The following TPO variants were observed in gnomAD, a reference collection of about 807,000 sequenced individuals.
The protein encoded by TPO is thyroid microsomal antigen.
In TPO, 78 loss-of-function variants were observed where a neutral mutation model predicts 96.9. That is an observed-to-expected ratio of 0.81 (90% CI 0.67 to 0.97). The LOEUF (loss-of-function observed/expected upper bound fraction) is 0.97. Ranked by LOEUF, TPO falls within the 50% of genes least tolerant of loss-of-function variation. The probability of loss-of-function intolerance (pLI) is 0.00; values close to 1 mark genes in which losing one functional copy is unlikely to be tolerated. For synonymous variants in TPO, 547 were observed against 538.0 expected (o/e 1.02, Z -0.23); for missense variants, 1,252 against 1,274.8 (o/e 0.98, Z 0.27).
rs1327228715 is a variant in TPO, at chr2:1,477,174, C to A, written c.908C>A (p.Ala303Glu). 6.2e-7 allele frequency: 1 copy of A among 1,609,942 alleles called. No individual in the cohort carries two copies. Among genetic ancestry groups the A allele is most frequent in the Admixed American group, 1.7e-5 (1 of 59,746 alleles). ...SAACGTGDQG[A>E]LFGNLSTANP... ...GCCTGCGGCACCGGGGACCAAGGCG[C>A]GCTCTTTGGGAACCTGTCCACGGCC... is the stretch of plus-strand genomic sequence containing the variant. Residue 303 changes from alanine to glutamate, a missense_variant, in exon 8 of 17, where the codon GCG (alanine) becomes GAG (glutamate). Coordinates refer to ENST00000329066, the MANE Select transcript of TPO (RefSeq NM_001206744.2).
In TPO at chr2:1,453,712, C is replaced by G; in HGVS notation, c.501C>G (p.Gly167=). ...TCCACAGAGACCACCCCAGATGGGG[C>G]GCCTCCAACACGGCCCTGGCACGAT... is the stretch of plus-strand genomic sequence containing the variant. ...ACNNRDHPRW[G]ASNTALARWL... The change falls in exon 6 of 17, where the codon GGC becomes GGG. Residue 167 remains glycine, a synonymous_variant. Transcript: ENST00000329066. The G allele has an allele frequency of 6.2e-7, 1 of 1,613,968 alleles. No individual in the cohort carries two copies. The highest frequency in any genetic ancestry group is 8.5e-7 in the Non-Finnish European group (1 of 1,180,036).
In TPO at chr2:1,531,601, C is replaced by T. The variant is rs1171880385; in HGVS notation, c.2619-8993C>T. 2.7e-4 allele frequency among the ~76,000 whole-genome samples: 28 copies of T among 104,740 alleles called. 3 individuals are homozygous for T. Among genetic ancestry groups the T allele is most frequent in the Admixed American group, 1.9e-3 (18 of 9,430 alleles). The allele number at this position is 104,740 out of a possible 152,430, so 68.7% of individuals were successfully genotyped here. Reference sequence around the variant, plus strand: ...TCTGTGCAACCGCCCCATATCCCCCCCACTCTGTGCAACCTCCCCAAAACA... The same window carrying T: ...TCTGTGCAACCGCCCCATATCCCCCTCACTCTGTGCAACCTCCCCAAAACA... On this transcript the variant is annotated intron_variant, in intron 15 of 16. Coordinates refer to ENST00000329066, the MANE Select transcript of TPO (RefSeq NM_001206744.2).
chr2:1,465,195 G>T (rs1392764216), intron 7 of TPO, among the ~76,000 whole-genome samples: 1 of 152,160 alleles, frequency 6.6e-6, no homozygotes, highest in Non-Finnish European at 1.5e-5. Context: ...CATTGTCGAA[G>T]ATCAATTGGC....
At chr2:1,409,792 G>GCT (rs1289974178), upstream of TPO, among the ~76,000 whole-genome samples, 1 of 105,122 alleles carries the variant, frequency 9.5e-6, no homozygotes, top group Admixed American at 1.1e-4. Flanking sequence ...AAAACAGTGC[G>GCT]CGCACACACA....
intron 1 of TPO, among the ~76,000 whole-genome samples, chr2:1,386,126 C>T (rs1661890024): frequency 6.6e-6 from 1 of 152,166 alleles, no homozygotes. Context: ...GAGTGCTTTA[C>T]TTCCAACTAT....
At position 1,423,357 on chromosome 2, in the gene TPO, A is replaced by G. The variant is rs369763438; in HGVS notation, c.179+228A>G. Reference sequence around the variant, plus strand: ...GGAGGAGCACCCTGATGCAATTAGCAATTACGTATACCCTGGTTAAAAGAC... The same window carrying G: ...GGAGGAGCACCCTGATGCAATTAGCGATTACGTATACCCTGGTTAAAAGAC... On this transcript the variant is annotated intron_variant, in intron 3 of 16. Coordinates refer to ENST00000329066, the MANE Select transcript of TPO (RefSeq NM_001206744.2). Among the ~76,000 whole-genome samples, 4 of 152,326 alleles carry G rather than the reference A, an allele frequency of 2.6e-5. No homozygotes were observed. The East Asian group carries it at 5.8e-4, about 22-fold the overall frequency.
At chr2:1,429,184 T>C (rs1018744062) in intron 3 of TPO, among the ~76,000 whole-genome samples, 1 of 152,172 alleles carries the variant, frequency 6.6e-6, no homozygotes, top group Non-Finnish European at 1.5e-5. Flanking sequence ...GATCTGGTTG[T>C]TTAAAAGTCT....
intron 1 of TPO, among the ~76,000 whole-genome samples, chr2:1,374,623 A>AC (rs1459825949): frequency 1.3e-5 from 2 of 152,168 alleles, no homozygotes; most frequent in African/African-American, 4.8e-5. Flanking sequence ...AAAATTTGAA[A>AC]CCATTTCTGC....
intron 11 of TPO, 87 bp from the exon 12 acceptor site, chr2:1,495,902 C>T (rs1672282570): frequency 7.0e-7 from 1 of 1,438,262 alleles, no homozygotes; most frequent in Admixed American, 1.9e-5. Flanking sequence ...AGGCTGGCAG[C>T]ACACAGCTGT....
intron 15 of TPO, among the ~76,000 whole-genome samples, chr2:1,523,595 G>A (rs1335783252): frequency 5.7e-5 from 6 of 105,522 alleles, no homozygotes; most frequent in South Asian, 3.0e-4. Flanking sequence ...CCCCCACACT[G>A]TGTGCAAACT....
At chr2:1,422,334 TCTCCTGGACCGACCTCGTGCAGGC>T (rs1558264225) in intron 2 of TPO, among the ~76,000 whole-genome samples, 36 of 63,926 alleles carry the variant, frequency 5.6e-4, no homozygotes, top group African/African-American at 9.5e-4. Flanking sequence ...TGCAGGCGCC[TCTCCTGGACCGACCTCGTGCAGGC>T]GCCGCGCTGG....
chr2:1,515,080 A>G (rs368045044), intron 14 of TPO, among the ~76,000 whole-genome samples: 11 of 152,352 alleles, frequency 7.2e-5, no homozygotes, highest in African/African-American at 2.6e-4. Context: ...CACCAATTCC[A>G]GAATGAATTT....
chr2:1,381,166 T>C (rs1661804197), intron 1 of TPO, among the ~76,000 whole-genome samples: 1 of 151,998 alleles, frequency 6.6e-6, no homozygotes, highest in South Asian at 2.1e-4. Flanking sequence ...AATTGACAAA[T>C]GGGATCTGAT....
chr2:1,424,043 G>A (rs554570928), intron 3 of TPO, among the ~76,000 whole-genome samples: 7 of 152,270 alleles, frequency 4.6e-5, no homozygotes, highest in South Asian at 2.1e-4. Flanking sequence ...AATTTAGAAC[G>A]TTTATTTTAA....
rs748390824 is a variant in TPO at position 1,414,398 on chromosome 2, T to C, written c.-1-10T>C. ...TGATTACATACTCTGTCTCCTTCCGTTAATTTTAGAATGAGAGCGCTCGCT... is the reference window on the plus strand; with the variant it reads ...TGATTACATACTCTGTCTCCTTCCGCTAATTTTAGAATGAGAGCGCTCGCT... On this transcript the variant is annotated splice_polypyrimidine_tract_variant and intron_variant, in intron 1 of 16. Coordinates refer to ENST00000329066, the MANE Select transcript of TPO (RefSeq NM_001206744.2). 9 of 1,611,644 alleles carry C rather than the reference T, an allele frequency of 5.6e-6. No individual in the cohort carries two copies. The highest frequency in any genetic ancestry group is 2.2e-5 in the South Asian group (2 of 90,448).
chr2:1,540,045 C>CA (rs1680548724), intron 15 of TPO, among the ~76,000 whole-genome samples: 1 of 152,226 alleles, frequency 6.6e-6, no homozygotes, highest in East Asian at 1.9e-4. Flanking sequence ...GTCCCAGCCT[C>CA]ACCAGAGCTT....
In TPO at chr2:1,531,389, AAAATTG is replaced by A. The variant is rs1558425433; in HGVS notation, c.2619-9204_2619-9199del. On this transcript the variant is annotated intron_variant, in intron 15 of 16. Coordinates refer to ENST00000329066, the MANE Select transcript of TPO (RefSeq NM_001206744.2). Reference sequence around the variant, plus strand: ...TCCTCCCGACTCTGTGCAACCTCCCAAAATTGCCCCCACTGTGTTCAACCTCCCCAA... The same window carrying A: ...TCCTCCCGACTCTGTGCAACCTCCCACCCCCACTGTGTTCAACCTCCCCAA... Among the ~76,000 whole-genome samples the A allele has an allele frequency of 2.6e-4, 6 of 22,656 alleles. 1 individual carries two copies. The highest frequency in any genetic ancestry group is 2.1e-3 in the African/African-American group (6 of 2,846). 14.9% of individuals were successfully genotyped at this position (22,656 alleles called of 152,430 possible). A position where few individuals can be genotyped will look rare whatever the true frequency, so the allele number is the denominator to read the frequency against.
At chr2:1,454,003 G>C (rs965559840) in intron 6 of TPO, among the ~76,000 whole-genome samples, 180 bp downstream of exon 6, 2 of 152,204 alleles carry the variant, frequency 1.3e-5, no homozygotes, top group Non-Finnish European at 2.9e-5. Flanking sequence ...AGGAGCCAAG[G>C]CTCAGGGAGA....
At chr2:1,389,493 A>C (rs546071042) in intron 1 of TPO, among the ~76,000 whole-genome samples, 2 of 152,302 alleles carry the variant, frequency 1.3e-5, no homozygotes, top group South Asian at 4.2e-4. Flanking sequence ...TAACATGGGA[A>C]AAATAACACT....
Sources: allele counts gnomAD v4.1 joint callset (sites outside exome capture counted in the v4.1 genomes callset), GRCh38; gene constraint gnomAD v4.1.1; transcripts MANE v1.5; gene names NCBI Gene and HGNC (gene_info 2026-07-23, HGNC 2026-07-21).